Variants in SYNDIG1 observed in about 807,000 individuals in gnomAD.
The protein encoded by SYNDIG1 is synapse differentiation-inducing gene protein 1.
A neutral mutation model predicts 19.4 loss-of-function variants in SYNDIG1; 9 were observed. The ratio of observed to expected loss-of-function variants is 0.46; its 90% CI spans 0.28 to 0.81. The LOEUF (loss-of-function observed/expected upper bound fraction) is 0.81, where lower values mean the gene tolerates loss of function less well. Ranked by LOEUF, SYNDIG1 falls within the 30% of genes least tolerant of loss-of-function variation. The pLI is 0.12. For synonymous variants in SYNDIG1, 141 were observed against 145.9 expected (o/e 0.97, Z 0.24); for missense variants, 311 against 343.3 (o/e 0.91, Z 0.74).
At chr20:24,652,488 C>T (rs1396174754) in intron 3 of SYNDIG1, among the ~76,000 whole-genome samples, 1 of 152,222 alleles carries the variant, frequency 6.6e-6, no homozygotes, top group Non-Finnish European at 1.5e-5. Context: ...GGGCTCTGGT[C>T]CAGCCCTCGG....
At chr20:24,651,444 A>C (rs1448146271) in intron 3 of SYNDIG1, among the ~76,000 whole-genome samples, 1 of 152,230 alleles carries the variant, frequency 6.6e-6, no homozygotes, top group Non-Finnish European at 1.5e-5. Context: ...GTCCTGCTAC[A>C]GAAGGAGTGG....
At chr20:24,488,661 C>T (rs1174840649) in intron 1 of SYNDIG1, among the ~76,000 whole-genome samples, 1 of 152,236 alleles carries the variant, frequency 6.6e-6, no homozygotes, top group Non-Finnish European at 1.5e-5. Context: ...GGTGAGTCCT[C>T]GTTTGTTCAG....
intron 2 of SYNDIG1, among the ~76,000 whole-genome samples, chr20:24,549,644 A>G (rs1184504683): frequency 6.6e-6 from 1 of 152,226 alleles, no homozygotes; most frequent in Non-Finnish European, 1.5e-5. Flanking sequence ...TTTGCTGTCC[A>G]CAGACGGCTT....
At chr20:24,660,003 A>G (rs1356955444) in intron 3 of SYNDIG1, among the ~76,000 whole-genome samples, 1 of 152,296 alleles carries the variant, frequency 6.6e-6, no homozygotes, top group East Asian at 1.9e-4. Context: ...TGCCAACAGC[A>G]GAGGCAACTT....
At chr20:24,637,965 C>A (rs2059332664) in intron 3 of SYNDIG1, among the ~76,000 whole-genome samples, 1 of 152,244 alleles carries the variant, frequency 6.6e-6, no homozygotes. Flanking sequence ...GGGTTAAATG[C>A]CTTGACCAAG....
intron 2 of SYNDIG1, among the ~76,000 whole-genome samples, chr20:24,571,351 A>G (rs928576893): frequency 1.3e-5 from 2 of 152,200 alleles, no homozygotes; most frequent in African/African-American, 4.8e-5. Flanking sequence ...TGATCATTGC[A>G]TTATGGTTAT....
chr20:24,599,643 G>A (rs186353630), intron 3 of SYNDIG1, among the ~76,000 whole-genome samples: 24 of 152,152 alleles, frequency 1.6e-4, no homozygotes, highest in Non-Finnish European at 2.8e-4. Flanking sequence ...AATGGAATAC[G>A]ATTTGGCCAT....
intron 2 of SYNDIG1, among the ~76,000 whole-genome samples, chr20:24,544,923 G>C (rs2057543884): frequency 6.6e-6 from 1 of 152,146 alleles, no homozygotes; most frequent in South Asian, 2.1e-4. Context: ...ACCATCTTTA[G>C]CAGGTGAGGC....
chr20:24,597,427 C>G (rs2058612453), intron 3 of SYNDIG1, among the ~76,000 whole-genome samples: 1 of 152,104 alleles, frequency 6.6e-6, no homozygotes, highest in Non-Finnish European at 1.5e-5. Context: ...AGCATTTCTT[C>G]CACTTTTTTC....
At chr20:24,527,900 A>G (rs893257112) in intron 1 of SYNDIG1, among the ~76,000 whole-genome samples, 4 of 152,206 alleles carry the variant, frequency 2.6e-5, no homozygotes, top group African/African-American at 9.7e-5. Context: ...GCATGCTTAA[A>G]TCTGAGACCA....
intron 2 of SYNDIG1, among the ~76,000 whole-genome samples, chr20:24,563,783 T>G (rs1212463892): frequency 6.6e-6 from 1 of 152,164 alleles, no homozygotes; most frequent in Non-Finnish European, 1.5e-5. Context: ...TGTATTTGTT[T>G]TTTTGTAGAG....
chr20:24,639,073 G>A (rs751543335), intron 3 of SYNDIG1, among the ~76,000 whole-genome samples: 6 of 152,064 alleles, frequency 3.9e-5, no homozygotes, highest in Non-Finnish European at 7.3e-5. Context: ...CTGTCCCAAC[G>A]GCAAGACCCA....
At chr20:24,548,471 A>G (rs1028110570) in intron 2 of SYNDIG1, among the ~76,000 whole-genome samples, 3 of 152,238 alleles carry the variant, frequency 2.0e-5, no homozygotes, top group Admixed American at 6.5e-5. Flanking sequence ...AGCACTTTAC[A>G]TATACCTCAG....
rs1266875796 is a variant in SYNDIG1 at position 24,665,470 on chromosome 20, T to A, written c.743T>A (p.Leu248His). 2 of 1,614,034 alleles carry A rather than the reference T, an allele frequency of 1.2e-6. No individual in the cohort carries two copies. Among genetic ancestry groups the A allele is most frequent in the Non-Finnish European group, 1.7e-6 (2 of 1,179,980 alleles). Reference protein sequence around the residue: ...TGVYVGVAVALIAYLSKNNHL With the variant: ...TGVYVGVAVAHIAYLSKNNHL The stretch of plus-strand genomic sequence containing the variant: ...GTCTATGTGGGCGTGGCCGTGGCCC[T>A]CATCGCCTACCTCTCCAAGAACAAC... Residue 248 changes from leucine to histidine, a missense_variant, in exon 4 of 4, where the codon CTC becomes CAC. By Grantham distance (99) the Leu-to-His change is moderately conservative (BLOSUM62 -3). Coordinates refer to ENST00000376862, the MANE Select transcript of SYNDIG1 (RefSeq NM_024893.3).
At chr20:24,560,321 A>G (rs755100508) in intron 2 of SYNDIG1, among the ~76,000 whole-genome samples, 6 of 151,866 alleles carry the variant, frequency 4.0e-5, no homozygotes, top group Non-Finnish European at 7.4e-5. Context: ...CATAGCAAAT[A>G]CATTGTTATG....
At chr20:24,612,334 G>T (rs1338346442) in intron 3 of SYNDIG1, among the ~76,000 whole-genome samples, 1 of 152,196 alleles carries the variant, frequency 6.6e-6, no homozygotes, top group Non-Finnish European at 1.5e-5. Flanking sequence ...TTTGGTACCA[G>T]GACAGACATC....
intron 1 of SYNDIG1, among the ~76,000 whole-genome samples, chr20:24,525,540 T>C (rs537889856): frequency 6.6e-6 from 1 of 152,252 alleles, no homozygotes; most frequent in Non-Finnish European, 1.5e-5. Context: ...TGCCTCGGCC[T>C]CCCAAAGTGC....
At chr20:24,485,102 G>A (rs150205201) in intron 1 of SYNDIG1, among the ~76,000 whole-genome samples, 1 of 152,104 alleles carries the variant, frequency 6.6e-6, no homozygotes, top group South Asian at 2.1e-4. Context: ...CAGCACAAAA[G>A]CCCTTACCAG....
At chr20:24,526,904 C>A (rs543125508) in intron 1 of SYNDIG1, among the ~76,000 whole-genome samples, 1 of 152,188 alleles carries the variant, frequency 6.6e-6, no homozygotes, top group African/African-American at 2.4e-5. Context: ...ATGTGTCTTG[C>A]CATTCTAGTT....
Sources: allele counts gnomAD v4.1 joint callset (sites outside exome capture counted in the v4.1 genomes callset), GRCh38; gene constraint gnomAD v4.1.1; transcripts MANE v1.5; gene names NCBI Gene and HGNC (gene_info 2026-07-23, HGNC 2026-07-21).